GRM5: variants seen among roughly 807,000 people sequenced by gnomAD.
The protein encoded by GRM5 is glutamate metabotropic receptor 5.
GRM5 carries 19 observed loss-of-function variants against 83.1 expected under a neutral mutation model. That is an observed-to-expected ratio of 0.23 (90% CI 0.16 to 0.34). GRM5 has a LOEUF of 0.34. GRM5 is among the 10% of genes least tolerant of loss of function. The pLI is 1.00. For missense variants in GRM5, 1,160 were observed against 1,588.3 expected (o/e 0.73, Z 4.58); for synonymous variants, 675 against 633.6 (o/e 1.07, Z -0.98).
At position 88,580,110 on chromosome 11, in the gene GRM5, G is replaced by C. The variant is rs946966630; in HGVS notation, c.1690+10491C>G. 6.6e-5 allele frequency among the ~76,000 whole-genome samples: 10 copies of C among 152,312 alleles called. No homozygotes were observed. The East Asian group carries it at 1.9e-3, about 29-fold the overall frequency. On this transcript the variant is annotated intron_variant, in intron 7 of 9. Transcript: ENST00000305447. The stretch of plus-strand genomic sequence containing the variant: ...TAATGAAAGAACGGGTTTATTATCA[G>C]ATGAAATGTAATAGTAAGGATAAAG...
intron 2 of GRM5, among the ~76,000 whole-genome samples, chr11:88,896,966 C>G (rs1945237426): frequency 6.6e-6 from 1 of 151,912 alleles, no homozygotes; most frequent in Non-Finnish European, 1.5e-5. Context: ...TGTTAAATGT[C>G]TGAGCTTGCA....
Position 88,600,904 on chromosome 11 carries a change from C to T in GRM5, c.1395-3552G>A, listed in dbSNP as rs749468994. On this transcript the variant is annotated intron_variant, in intron 5 of 9. Coordinates refer to ENST00000305447, the MANE Select transcript of GRM5 (RefSeq NM_001143831.3). ...TTATCTGTGGGTTGGCATAATAAGC[C>T]CTGGTCCATACAACAAAGCAATTAC... Among the ~76,000 whole-genome samples, 20 of 152,158 alleles carry T rather than the reference C, an allele frequency of 1.3e-4. No homozygotes were observed. The Middle Eastern group carries it at 0.01, about 78-fold the overall frequency.
chr11:88,730,949 A>G (rs143545470), intron 3 of GRM5, among the ~76,000 whole-genome samples: 8,028 of 152,242 alleles, frequency 0.053, 185 homozygotes, highest in Middle Eastern at 0.075. Context: ...ACAAACCACC[A>G]TGGCACGTGT....
chr11:88,710,821 G>A (rs928874926), intron 3 of GRM5, among the ~76,000 whole-genome samples: 1 of 151,920 alleles, frequency 6.6e-6, no homozygotes, highest in Non-Finnish European at 1.5e-5. Context: ...CAAAAAGAAG[G>A]TGCATCCAAG....
At chr11:88,855,676 T>C (rs1944462538) in intron 2 of GRM5, among the ~76,000 whole-genome samples, 1 of 151,918 alleles carries the variant, frequency 6.6e-6, no homozygotes, top group African/African-American at 2.4e-5. Flanking sequence ...TCATGGGATT[T>C]CTAAAATGCC....
chr11:88,661,723 A>G (rs1430051631), intron 3 of GRM5, among the ~76,000 whole-genome samples: 2 of 151,966 alleles, frequency 1.3e-5, no homozygotes, highest in African/African-American at 4.8e-5. Context: ...ACTCTATTTT[A>G]TTTTATTTTA....
At chr11:89,039,090 C>T (rs140235138) in intron 2 of GRM5, among the ~76,000 whole-genome samples, 343 of 151,890 alleles carry the variant, frequency 2.3e-3, no homozygotes, top group African/African-American at 6.7e-3. Context: ...ATGGTGAAAC[C>T]CCCTCTCTAC....
At chr11:88,733,469 C>T (rs11021120) in intron 3 of GRM5, among the ~76,000 whole-genome samples, 4 of 151,990 alleles carry the variant, frequency 2.6e-5, no homozygotes, top group East Asian at 1.9e-4. Context: ...ACCCACGTTC[C>T]GGACTCTGAA....
intron 8 of GRM5, among the ~76,000 whole-genome samples, chr11:88,559,079 AT>A (rs1942697340): frequency 6.6e-6 from 1 of 152,138 alleles, no homozygotes; most frequent in African/African-American, 2.4e-5. Context: ...AGTCAGTCAG[AT>A]TTTATTCTCA....
At chr11:89,005,049 A>G (rs1425814950) in intron 2 of GRM5, among the ~76,000 whole-genome samples, 1 of 152,212 alleles carries the variant, frequency 6.6e-6, no homozygotes, top group African/African-American at 2.4e-5. Context: ...GGCTTAGGAC[A>G]TTACTGACTT....
At chr11:88,719,547 G>T (rs988546034) in intron 3 of GRM5, among the ~76,000 whole-genome samples, 5 of 152,002 alleles carry the variant, frequency 3.3e-5, no homozygotes, top group African/African-American at 1.2e-4. Flanking sequence ...CTTTATAACA[G>T]AATAATTTAC....
intron 2 of GRM5, among the ~76,000 whole-genome samples, chr11:88,885,450 GTTTTTT>G (rs61456975): frequency 0.036 from 2,260 of 62,538 alleles, 411 homozygotes; most frequent in South Asian, 0.075. Context: ...TAGGTACCAT[GTTTTTT>G]TTTTTTTTTT....
At chr11:88,870,898 T>G (rs1435591314) in intron 2 of GRM5, among the ~76,000 whole-genome samples, 1 of 151,400 alleles carries the variant, frequency 6.6e-6, no homozygotes, top group Non-Finnish European at 1.5e-5. Context: ...GAAGAAAGGT[T>G]GTTTGAAAAT....
intron 2 of GRM5, among the ~76,000 whole-genome samples, chr11:89,001,467 A>G (rs1940376665): frequency 6.6e-6 from 1 of 152,182 alleles, no homozygotes; most frequent in Non-Finnish European, 1.5e-5. Flanking sequence ...TCATATTTGT[A>G]TAGTTCCATT....
chr11:88,763,370 A>G (rs1942567824), intron 3 of GRM5, among the ~76,000 whole-genome samples: 1 of 151,894 alleles, frequency 6.6e-6, no homozygotes, highest in African/African-American at 2.4e-5. Context: ...GTCCACAGTC[A>G]TAAAAATTAC....
At chr11:88,823,392 C>T (rs1332714690) in intron 3 of GRM5, among the ~76,000 whole-genome samples, 1 of 151,950 alleles carries the variant, frequency 6.6e-6, no homozygotes, top group Non-Finnish European at 1.5e-5. Flanking sequence ...TAACTTTCCA[C>T]CTCCCTGAAG....
At chr11:88,860,382 T>C (rs1463281260) in intron 2 of GRM5, among the ~76,000 whole-genome samples, 2 of 152,160 alleles carry the variant, frequency 1.3e-5, no homozygotes, top group East Asian at 1.9e-4. Context: ...AGTAATTCCA[T>C]TTCCACAGAA....
intron 7 of GRM5, among the ~76,000 whole-genome samples, chr11:88,583,714 TA>T (rs1272505178): frequency 2.0e-5 from 3 of 152,278 alleles, no homozygotes; most frequent in Non-Finnish European, 1.5e-5. Flanking sequence ...ACAAAACAAA[TA>T]AAAAATTCTT....
intron 3 of GRM5, among the ~76,000 whole-genome samples, chr11:88,759,373 A>G (rs1242041789): frequency 2.0e-5 from 3 of 152,106 alleles, no homozygotes; most frequent in Non-Finnish European, 4.4e-5. Context: ...ATTAAGGGAC[A>G]GAGAAAAATC....
Sources: gnomAD v4.1 joint callset for allele counts (sites outside exome capture counted in the v4.1 genomes callset) on GRCh38, gnomAD v4.1.1 for gene constraint, MANE v1.5 for transcripts, NCBI Gene and HGNC (gene_info 2026-07-23, HGNC 2026-07-21) for gene names.